The following NCOA5 variants were observed in gnomAD, a reference collection of about 807,000 sequenced individuals.
NCOA5 encodes NCoA-5.
In NCOA5, 12 loss-of-function variants were observed where a neutral mutation model predicts 59.0. The observed-to-expected ratio is 0.20, with a 90% confidence interval of 0.13 to 0.33. NCOA5 has a LOEUF of 0.33. Ranked by LOEUF, NCOA5 falls within the 10% of genes least tolerant of loss-of-function variation. NCOA5 has a pLI of 1.00. For missense variants in NCOA5, 655 were observed against 766.6 expected (o/e 0.85, Z 1.72); for synonymous variants, 270 against 275.5 (o/e 0.98, Z 0.20).
intron 2 of NCOA5, among the ~76,000 whole-genome samples, chr20:46,078,942 C>T (rs987401736): frequency 3.3e-5 from 5 of 152,122 alleles, no homozygotes; most frequent in African/African-American, 4.8e-5. Flanking sequence ...ACAGGCACAG[C>T]GGCAATCTCT....
intron 1 of NCOA5, among the ~76,000 whole-genome samples, chr20:46,087,459 C>T (rs544072215): frequency 6.6e-6 from 1 of 152,244 alleles, no homozygotes; most frequent in Non-Finnish European, 1.5e-5. Context: ...AAAGTCTTTC[C>T]AAAAATTGTT....
intron 4 of NCOA5, 26 bp downstream of exon 4, chr20:46,068,475 AG>A (rs1462870254): frequency 2.5e-6 from 4 of 1,589,720 alleles, no homozygotes; most frequent in Non-Finnish European, 3.4e-6. Context: ...TATCAATAAT[AG>A]GAATAGACTG....
chr20:46,068,511 G>C lies in NCOA5; in HGVS notation c.493C>G (p.Arg165Gly), dbSNP rs565797623. 6.2e-6 allele frequency: 10 copies of C among 1,610,484 alleles called. No homozygotes were observed. In the East Asian group the frequency reaches 1.8e-4, roughly 29 times the overall value. ...GTTTCAGCTACTTTACCTTTTGCAC[G>C]AGACTGACTTTCTGGGCCTGGAGGG... ...RGPPGPESQS[R>G]AKERLKREER... Residue 165 changes from arginine (R) to glycine (G), a missense_variant, in exon 4 of 8, where the codon CGT becomes GGT. By Grantham distance (125) the Arg-to-Gly change is moderately radical. Transcript: ENST00000290231.
At chr20:46,080,365 C>G (rs112005179) in intron 1 of NCOA5, among the ~76,000 whole-genome samples, 1 of 152,164 alleles carries the variant, frequency 6.6e-6, no homozygotes, top group Non-Finnish European at 1.5e-5. Flanking sequence ...AAATACATTA[C>G]AAATTTCATA....
At chr20:46,070,015 T>C (rs545004046) in intron 3 of NCOA5, among the ~76,000 whole-genome samples, 195 bp downstream of exon 3, 1 of 152,344 alleles carries the variant, frequency 6.6e-6, no homozygotes, top group South Asian at 2.1e-4. Flanking sequence ...CCAACACTGT[T>C]ATTTTCTGTT....
chr20:46,078,495 T>C (rs2084960983), intron 2 of NCOA5, among the ~76,000 whole-genome samples: 21 of 151,742 alleles, frequency 1.4e-4, no homozygotes, highest in Admixed American at 1.4e-3. Flanking sequence ...GTTATGTTTC[T>C]GGGGAAAACT....
chr20:46,072,235 G>A (rs529180048), intron 2 of NCOA5, among the ~76,000 whole-genome samples: 2 of 152,228 alleles, frequency 1.3e-5, no homozygotes, highest in Middle Eastern at 3.4e-3. Flanking sequence ...CCTCATTTCT[G>A]TTTTTGCCTC....
At chr20:46,086,166 C>G (rs1166018542) in intron 1 of NCOA5, among the ~76,000 whole-genome samples, 1 of 152,180 alleles carries the variant, frequency 6.6e-6, no homozygotes, top group African/African-American at 2.4e-5. Flanking sequence ...GTGTGAGCCA[C>G]TGTACCCAGC....
At chr20:46,077,544 T>C (rs774172594) in intron 2 of NCOA5, among the ~76,000 whole-genome samples, 9 of 152,232 alleles carry the variant, frequency 5.9e-5, no homozygotes, top group Non-Finnish European at 1.0e-4. Context: ...GTTGTTGTTT[T>C]TGCCTGCAGA....
intron 2 of NCOA5, among the ~76,000 whole-genome samples, chr20:46,077,937 T>C (rs1314412266): frequency 6.6e-6 from 1 of 152,210 alleles, no homozygotes; most frequent in Non-Finnish European, 1.5e-5. Flanking sequence ...TTTGTTTATG[T>C]TCTTCAGGAT....
At chr20:46,076,823 C>G (rs889939227) in intron 2 of NCOA5, among the ~76,000 whole-genome samples, 1 of 152,134 alleles carries the variant, frequency 6.6e-6, no homozygotes, top group Non-Finnish European at 1.5e-5. Context: ...CTATCCACAC[C>G]ACCAAATGAC....
At chr20:46,079,824 G>C (rs993726230) in intron 1 of NCOA5, among the ~76,000 whole-genome samples, 4 of 152,196 alleles carry the variant, frequency 2.6e-5, no homozygotes, top group African/African-American at 4.8e-5. Context: ...GGAAGAAAGT[G>C]GGGGGGAAGA....
At position 46,062,797 on chromosome 20, in the gene NCOA5, G is replaced by T. The variant is rs2084781267; in HGVS notation, c.1243C>A (p.Pro415Thr). The change falls in exon 8 of 8, where the codon CCC (proline) becomes ACC (threonine). Residue 415 changes from proline to threonine, a missense_variant. Transcript: ENST00000290231. ...SQPLQSGQVL[P>T]SATPTPSAPP... is the part of the protein sequence containing the mutation. ...GCAGATGGAGTGGGTGTAGCAGAGG[G>T]GAGCACTTGGCCGCTCTGGAGCGGT... is the stretch of plus-strand genomic sequence containing the variant. The T allele has an allele frequency of 3.8e-6, 6 of 1,579,206 alleles. No homozygotes were observed. The highest frequency in any genetic ancestry group is 4.3e-6 in the Non-Finnish European group (5 of 1,161,196).
In NCOA5 at chr20:46,061,587, TCA is replaced by T. The variant is rs1052499381; in HGVS notation, c.*711_*712del. 22 of 152,714 alleles carry T rather than the reference TCA, an allele frequency of 1.4e-4. No homozygotes were observed. The highest frequency in any genetic ancestry group is 4.6e-4 in the African/African-American group (19 of 41,518). The allele number at this position is 152,714 out of a possible 1,614,324, so 9.5% of individuals were successfully genotyped here. Reference sequence around the variant, plus strand: ...CAGGGAAGAGTGGTGGGGCCCAGATTCACAGTTTGTGGTAACTGCTGCTGACT... The same window carrying T: ...CAGGGAAGAGTGGTGGGGCCCAGATTCAGTTTGTGGTAACTGCTGCTGACT... On this transcript the variant is annotated 3_prime_UTR_variant, in exon 8 of 8. Coordinates refer to ENST00000290231, the MANE Select transcript of NCOA5 (RefSeq NM_020967.3).
In NCOA5 at chr20:46,062,241, C is replaced by A; in HGVS notation, c.*59G>T. 2.9e-6 allele frequency: 4 copies of A among 1,370,406 alleles called. No individual in the cohort carries two copies. Among genetic ancestry groups the A allele is most frequent in the Non-Finnish European group, 4.0e-6 (4 of 993,666 alleles). 84.9% of individuals were successfully genotyped at this position (1,370,406 alleles called of 1,614,324 possible). A position where few individuals can be genotyped will look rare whatever the true frequency, so the allele number is the denominator to read the frequency against. ...ATCCTCCAAACAGCTCTATTTAGAACAAGTAAGTGGGAGGAGGCCAGGGGA... is the reference window on the plus strand; with the variant it reads ...ATCCTCCAAACAGCTCTATTTAGAAAAAGTAAGTGGGAGGAGGCCAGGGGA... On this transcript the variant is annotated 3_prime_UTR_variant, in exon 8 of 8. Coordinates refer to ENST00000290231, the MANE Select transcript of NCOA5 (RefSeq NM_020967.3).
intron 1 of NCOA5, among the ~76,000 whole-genome samples, chr20:46,086,789 T>C (rs866222929): frequency 2.6e-5 from 4 of 152,152 alleles, no homozygotes; most frequent in African/African-American, 9.7e-5. Flanking sequence ...GTAGAAAGAG[T>C]AGTCAGTTCT....
At chr20:46,066,802 TTGA>T (rs1241198256) in intron 5 of NCOA5, among the ~76,000 whole-genome samples, 2 of 152,236 alleles carry the variant, frequency 1.3e-5, no homozygotes, top group Admixed American at 6.5e-5. Context: ...GAGACCAATT[TTGA>T]TGACATGGTT....
At chr20:46,076,235 C>A (rs985151030) in intron 2 of NCOA5, among the ~76,000 whole-genome samples, 1 of 152,060 alleles carries the variant, frequency 6.6e-6, no homozygotes, top group African/African-American at 2.4e-5. Context: ...TGGGGGCATA[C>A]AAAATGATTA....
chr20:46,064,646 G>T (rs1159656897), intron 6 of NCOA5, among the ~76,000 whole-genome samples: 2 of 152,210 alleles, frequency 1.3e-5, no homozygotes, highest in Non-Finnish European at 2.9e-5. Flanking sequence ...AGTGGCAAGA[G>T]CCAACTGTGT....
Sources: allele counts gnomAD v4.1 joint callset (sites outside exome capture counted in the v4.1 genomes callset), GRCh38; gene constraint gnomAD v4.1.1; transcripts MANE v1.5; gene names NCBI Gene and HGNC (gene_info 2026-07-23, HGNC 2026-07-21).